DDX55: variants seen among roughly 807,000 people sequenced by gnomAD.
DDX55 encodes the protein ATP-dependent RNA helicase DDX55.
A neutral mutation model predicts 69.2 loss-of-function variants in DDX55; 56 were observed. The observed-to-expected ratio is 0.81, with a 90% CI of 0.65 to 1.01. The LOEUF is 1.01. Ranked by LOEUF, DDX55 falls within the 50% of genes least tolerant of loss-of-function variation. The probability of loss-of-function intolerance (pLI) is 0.00; values close to 1 mark genes in which losing one functional copy is unlikely to be tolerated. For missense variants in DDX55, 720 were observed against 745.1 expected (o/e 0.97, Z 0.39); for synonymous variants, 268 against 273.1 (o/e 0.98, Z 0.18).
Position 123,609,954 on chromosome 12 carries a change from GGA to G in DDX55, c.569_570del (p.Glu190ValfsTer63). On this transcript the variant is annotated frameshift_variant, in exon 7 of 14. Coordinates refer to ENST00000238146, the MANE Select transcript of DDX55 (RefSeq NM_020936.3). LOFTEE classifies it high-confidence loss of function. ...TTTTTATCAGCATCAACACCATTCT[GGA>G]GTTTTTGCCAAAGCAGAGGAGAACA... ...GFEASINTIL[E>X]FLPKQRRTGL... 6.2e-7 allele frequency: 1 copy of G among 1,613,756 alleles called. No individual in the cohort carries two copies. The highest frequency in any genetic ancestry group is 1.1e-5 in the South Asian group (1 of 91,050).
At chr12:123,613,786 G>A (rs985635401) in intron 8 of DDX55, among the ~76,000 whole-genome samples, 2 of 152,164 alleles carry the variant, frequency 1.3e-5, no homozygotes, top group Non-Finnish European at 2.9e-5. Flanking sequence ...CAGCTTTTCT[G>A]CCTCTGTAGT....
In DDX55 at chr12:123,611,239, C is replaced by A. The variant is rs1954217949; in HGVS notation, c.741+1111C>A. On this transcript the variant is annotated intron_variant, in intron 7 of 13. Coordinates refer to ENST00000238146, the MANE Select transcript of DDX55 (RefSeq NM_020936.3). ...TCTAGTAGTAAATACTGGCTGCTGG[C>A]TTCTGTAGTTTCTTCACAAAGAAGT... is the stretch of plus-strand genomic sequence containing the variant. Among the ~76,000 whole-genome samples, 4 of 152,214 alleles carry A rather than the reference C, an allele frequency of 2.6e-5. No individual in the cohort carries two copies. In the South Asian group the frequency reaches 8.3e-4, roughly 31 times the overall value.
At chr12:123,607,814 C>A in intron 5 of DDX55, 152 bp downstream of exon 5, 1 of 1,017,542 alleles carries the variant, frequency 9.8e-7, no homozygotes, top group Non-Finnish European at 1.5e-6. Context: ...TCCCATTGTG[C>A]TTTGCTGGCT....
rs780959600 is a variant in DDX55 at position 123,619,438 on chromosome 12, A to AT, written c.1344dup (p.Ala449CysfsTer32). 1.9e-5 allele frequency: 30 copies of AT among 1,611,210 alleles called. No homozygotes were observed. The East Asian group carries it at 5.8e-4, about 31-fold the overall frequency. ...GATCTTCTGATTGAATCAGATCTTG[A>AT]TTTTGCCAGCCTTGCTCGAGGTTTT... On this transcript the variant is annotated frameshift_variant, in exon 13 of 14. Transcript: ENST00000238146. LOFTEE classifies it high-confidence loss of function.
rs1566210803 is a variant in DDX55, at chr12:123,620,583, TATATATATA to T, written c.*444_*452del. 322 of 25,442 alleles carry T rather than the reference TATATATATA, an allele frequency of 0.013. 8 individuals are homozygous for T. Among genetic ancestry groups the T allele is most frequent in the African/African-American group, 0.04 (305 of 7,560 alleles). The allele number at this position is 25,442 out of a possible 1,614,324, so 1.6% of individuals were successfully genotyped here. ...CACATATAGACATATGTACATATTA[TATATATATA>T]TATATATATATATATATATATATAT... On this transcript the variant is annotated 3_prime_UTR_variant, in exon 14 of 14. Transcript: ENST00000238146.
chr12:123,606,220 G>A, intron 3 of DDX55, 61 bp downstream of exon 3: 1 of 1,585,374 alleles, frequency 6.3e-7, no homozygotes, highest in East Asian at 2.3e-5. Flanking sequence ...ATTGGATTAA[G>A]AAGCTGGCTA....
At position 123,613,214 on chromosome 12, in the gene DDX55, T is replaced by C. The variant is rs755317393; in HGVS notation, c.786T>C (p.Leu262=). ...DEKFNQLVHF[L]RNHKQEKHLV... is the part of the protein sequence containing the mutation. ...AATTTAATCAGCTGGTCCATTTTCT[T>C]CGCAATCATAAGCAGGAGAAACACC... Residue 262 remains leucine (L), a synonymous_variant, in exon 8 of 14, where the codon CTT becomes CTC. Transcript: ENST00000238146. 6.2e-6 allele frequency: 10 copies of C among 1,614,200 alleles called. No homozygotes were observed. Among genetic ancestry groups the C allele is most frequent in the East Asian group, 2.2e-5 (1 of 44,886 alleles).
chr12:123,608,577 G>A, intron 5 of DDX55, 103 bp from the exon 6 acceptor site: 1 of 1,388,930 alleles, frequency 7.2e-7, no homozygotes, highest in South Asian at 1.3e-5. Context: ...CTTCACTAGG[G>A]CTTAAATGAC....
chr12:123,617,891 T>G lies in DDX55; in HGVS notation c.1164+19T>G. The G allele has an allele frequency of 1.2e-6, 1 of 851,050 alleles. No individual in the cohort carries two copies. The highest frequency in any genetic ancestry group is 1.7e-6 in the Non-Finnish European group (1 of 605,264). 52.7% of individuals were successfully genotyped at this position (851,050 alleles called of 1,614,324 possible). ...CCAAAAAGTAAGCTGCCGTCCGTTT[T>G]CAGATAGAATGCCTAGTGACGGGGT... On this transcript the variant is annotated intron_variant, in intron 11 of 13. Coordinates refer to ENST00000238146, the MANE Select transcript of DDX55 (RefSeq NM_020936.3).
Position 123,613,218 on chromosome 12 carries a change from A to C in DDX55, c.790A>C (p.Asn264His). 1 of 1,614,040 alleles carries C rather than the reference A, an allele frequency of 6.2e-7. No homozygotes were observed. The highest frequency in any genetic ancestry group is 8.5e-7 in the Non-Finnish European group (1 of 1,180,008). ...KFNQLVHFLR[N>H]HKQEKHLVFF... ...TAATCAGCTGGTCCATTTTCTTCGC[A>C]ATCATAAGCAGGAGAAACACCTGGT... The change falls in exon 8 of 14, where the codon AAT (asparagine) becomes CAT (histidine). Residue 264 changes from asparagine to histidine, a missense_variant. Coordinates refer to ENST00000238146, the MANE Select transcript of DDX55 (RefSeq NM_020936.3).
In DDX55 at chr12:123,609,971, AGAG is replaced by A. The variant is rs936428277; in HGVS notation, c.588_590del (p.Arg197del). 20 of 1,613,954 alleles carry A rather than the reference AGAG, an allele frequency of 1.2e-5. No homozygotes were observed. Among genetic ancestry groups the A allele is most frequent in the Middle Eastern group, 1.7e-4 (1 of 6,046 alleles). The stretch of plus-strand genomic sequence containing the variant: ...ACCATTCTGGAGTTTTTGCCAAAGC[AGAG>A]GAGAACAGGCCTTTTCTCTGCCACT... On this transcript the variant is annotated inframe_deletion, in exon 7 of 14. Transcript: ENST00000238146.
At chr12:123,610,183 G>A in intron 7 of DDX55, 55 bp downstream of exon 7, 1 of 1,557,302 alleles carries the variant, frequency 6.4e-7, no homozygotes, top group Non-Finnish European at 8.7e-7. Flanking sequence ...CTCATTTTAT[G>A]GAAATTGTAC....
intron 7 of DDX55, 53 bp downstream of exon 7, chr12:123,610,181 A>T: frequency 6.4e-7 from 1 of 1,562,472 alleles, no homozygotes; most frequent in Non-Finnish European, 8.7e-7. Context: ...TGCTCATTTT[A>T]TGGAAATTGT....
rs1188727111 is a variant in DDX55 at position 123,619,475 on chromosome 12, G to T, written c.1377G>T (p.Arg459Ser). ...TTGCTCGAGGTTTTGCCCTGCTGAG[G>T]ATGCCCAAGATGCCAGAATTGAGAG... is the stretch of plus-strand genomic sequence containing the variant. ...ASLARGFALL[R>S]MPKMPELRGK... The change falls in exon 13 of 14, where the codon AGG becomes AGT. Residue 459 changes from arginine (R) to serine (S), a missense_variant. Physicochemically the swap from Arg to Ser is moderately radical, Grantham distance 110 (BLOSUM62 -1). Coordinates refer to ENST00000238146, the MANE Select transcript of DDX55 (RefSeq NM_020936.3). 1 of 1,613,748 alleles carries T rather than the reference G, an allele frequency of 6.2e-7. No homozygotes were observed. The highest frequency in any genetic ancestry group is 8.5e-7 in the Non-Finnish European group (1 of 1,179,902).
chr12:123,606,121 A>C lies in DDX55; in HGVS notation c.208A>C (p.Ile70Leu). ...TLAFVIPILE[I>L]LLRREEKLKK... is the part of the protein sequence containing the mutation. ...CGCTTTTGTCATCCCCATCCTGGAAATTCTTCTGAGAAGAGAAGAGAAGTT... is the reference window on the plus strand; with the variant it reads ...CGCTTTTGTCATCCCCATCCTGGAACTTCTTCTGAGAAGAGAAGAGAAGTT... The change falls in exon 3 of 14, where the codon ATT (isoleucine) becomes CTT (leucine). Residue 70 changes from isoleucine (I) to leucine (L), a missense_variant. Coordinates refer to ENST00000238146, the MANE Select transcript of DDX55 (RefSeq NM_020936.3). 1.9e-6 allele frequency: 3 copies of C among 1,614,210 alleles called. No individual in the cohort carries two copies. The highest frequency in any genetic ancestry group is 1.7e-6 in the Non-Finnish European group (2 of 1,180,032).
At chr12:123,603,392 C>CTTT (rs11438746) in intron 1 of DDX55, among the ~76,000 whole-genome samples, 2,275 of 128,490 alleles carry the variant, frequency 0.018, 76 homozygotes, top group African/African-American at 0.05. Flanking sequence ...GGTTTTTATT[C>CTTT]TTTTTTTTTT....
chr12:123,603,477 C>T (rs1219163513), intron 1 of DDX55, among the ~76,000 whole-genome samples: 10 of 149,076 alleles, frequency 6.7e-5, no homozygotes, highest in Non-Finnish European at 1.2e-4. Flanking sequence ...CTGCAACCTC[C>T]GCCTCCTGGG....
intron 8 of DDX55, 108 bp from the exon 9 acceptor site, chr12:123,615,077 G>A (rs1422392694): frequency 1.2e-5 from 17 of 1,461,342 alleles, no homozygotes; most frequent in Non-Finnish European, 1.6e-5. Flanking sequence ...CCTAGGGAGG[G>A]CTTGTAGTTA....
intron 7 of DDX55, among the ~76,000 whole-genome samples, chr12:123,612,684 A>G (rs886254312): frequency 6.6e-6 from 1 of 152,028 alleles, no homozygotes; most frequent in African/African-American, 2.4e-5. Flanking sequence ...GCATTTAAAA[A>G]AAAAAAATCT....
Sources: allele counts gnomAD v4.1 joint callset (sites outside exome capture counted in the v4.1 genomes callset), GRCh38; gene constraint gnomAD v4.1.1; transcripts MANE v1.5; gene names NCBI Gene and HGNC (gene_info 2026-07-23, HGNC 2026-07-21).